KDM1A: variants seen among roughly 807,000 people sequenced by gnomAD.
KDM1A encodes the protein lysine-specific histone demethylase 1A.
In KDM1A, 49 loss-of-function variants were observed where a neutral mutation model predicts 109.4. The observed-to-expected ratio is 0.45, with a 90% confidence interval of 0.36 to 0.57. The LOEUF (loss-of-function observed/expected upper bound fraction) is 0.57, where lower values mean the gene tolerates loss of function less well. Ranked by LOEUF, KDM1A falls within the 20% of genes least tolerant of loss-of-function variation. KDM1A has a pLI of 0.00. For missense variants in KDM1A, 668 were observed against 1,116.6 expected (o/e 0.60, Z 5.73); for synonymous variants, 380 against 415.4 (o/e 0.91, Z 1.04).
chr1:23,065,826 C>T (rs1643146485), intron 9 of KDM1A, among the ~76,000 whole-genome samples: 1 of 152,018 alleles, frequency 6.6e-6, no homozygotes, highest in Non-Finnish European at 1.5e-5. Flanking sequence ...ACTCCCCTGT[C>T]TTTTGTTAAC....
Position 23,050,425 on chromosome 1 carries a change from G to C in KDM1A, c.616G>C (p.Asp206His), listed in dbSNP as rs766818802. 6.2e-7 allele frequency: 1 copy of C among 1,613,542 alleles called. No homozygotes were observed. The highest frequency in any genetic ancestry group is 1.7e-5 in the Admixed American group (1 of 59,950). The change falls in exon 4 of 21, where the codon GAC becomes CAC. Residue 206 changes from aspartate (D) to histidine (H), a missense_variant. Physicochemically the swap from Asp to His is moderately conservative, Grantham distance 81. Transcript: ENST00000400181. ...AGCTTTCCAGAGCCGACTTCCTCAT[G>C]ACCGGATGACTTCTCAAGAAGCAGC... The part of the protein sequence containing the change: ...GAAFQSRLPH[D>H]RMTSQEAACF...
Position 23,081,473 on chromosome 1 carries a change from G to A in KDM1A, c.2198G>A (p.Gly733Glu), listed in dbSNP as rs1643619907. 1 of 1,614,022 alleles carries A rather than the reference G, an allele frequency of 6.2e-7. No individual in the cohort carries two copies. Among genetic ancestry groups the A allele is most frequent in the Admixed American group, 1.7e-5 (1 of 60,002 alleles). ...KAPILLALVA[G>E]EAAGIMENIS... ...CCAATACTGTTGGCACTAGTGGCAG[G>A]AGAAGCTGCTGGTATCATGGAAAAC... The change falls in exon 19 of 21, where the codon GGA becomes GAA. Residue 733 changes from glycine to glutamate, a missense_variant. Coordinates refer to ENST00000400181, the MANE Select transcript of KDM1A (RefSeq NM_001009999.3).
Position 23,079,439 on chromosome 1 carries a change from TAAG to T in KDM1A, c.2056-113_2056-111del, listed in dbSNP as rs1375562645. 14 of 816,008 alleles carry T rather than the reference TAAG, an allele frequency of 1.7e-5. No individual in the cohort carries two copies. Among genetic ancestry groups the T allele is most frequent in the Admixed American group, 1.6e-4 (6 of 37,564 alleles). The allele number at this position is 816,008 out of a possible 1,614,324, so 50.5% of individuals were successfully genotyped here. A position where few individuals can be genotyped will look rare whatever the true frequency, so the allele number is the denominator to read the frequency against. On this transcript the variant is annotated intron_variant, in intron 17 of 20. Coordinates refer to ENST00000400181, the MANE Select transcript of KDM1A (RefSeq NM_001009999.3). This position sits in a 1 kb window ranked among gnomAD's most constrained non-coding sequence, Gnocchi z 5.6. ...GGATCGTAAATGTCATCCTAAATAA[TAAG>T]GATTGCTGGGCTTATTTTGAAAGCA...
At chr1:23,041,435 C>CTTTTTTTTTTTG (rs1642328895) in intron 2 of KDM1A, among the ~76,000 whole-genome samples, 1 of 53,006 alleles carries the variant, frequency 1.9e-5, no homozygotes, top group Non-Finnish European at 3.2e-5. Flanking sequence ...TCTTTTCTTG[C>CTTTTTTTTTTTG]TTTTTTTTTT....
chr1:23,036,545 A>G (rs1017598618), intron 2 of KDM1A, among the ~76,000 whole-genome samples: 14 of 135,330 alleles, frequency 1.0e-4, no homozygotes, highest in Admixed American at 1.7e-4. Flanking sequence ...TGGAGGGCTG[A>G]GGGAAGAAAG....
intron 9 of KDM1A, among the ~76,000 whole-genome samples, chr1:23,065,687 A>G (rs977951658): frequency 1.3e-5 from 2 of 152,114 alleles, no homozygotes; most frequent in Non-Finnish European, 2.9e-5. Context: ...TGTGGCAGCA[A>G]TCTTTTGGTT....
At chr1:23,049,306 G>T (rs2124447983) in intron 3 of KDM1A, among the ~76,000 whole-genome samples, 1 of 152,030 alleles carries the variant, frequency 6.6e-6, no homozygotes, top group South Asian at 2.1e-4. Flanking sequence ...TCTATAAGGT[G>T]ATTTTAGAAA....
intron 14 of KDM1A, among the ~76,000 whole-genome samples, chr1:23,072,941 G>C (rs915594477): frequency 6.6e-6 from 1 of 152,126 alleles, no homozygotes; most frequent in South Asian, 2.1e-4. Flanking sequence ...CATCCAGCCT[G>C]CCCATCCTTT....
intron 5 of KDM1A, among the ~76,000 whole-genome samples, chr1:23,054,835 A>G (rs1463340519): frequency 6.6e-6 from 1 of 151,984 alleles, no homozygotes; most frequent in African/African-American, 2.4e-5. Flanking sequence ...TGTGTTTCCC[A>G]GGCTGGTCTT....
intron 14 of KDM1A, 113 bp downstream of exon 14, chr1:23,072,310 T>C: frequency 1.3e-6 from 1 of 742,554 alleles, no homozygotes; most frequent in South Asian, 1.7e-5. Flanking sequence ...CAGTGAGTGG[T>C]TTAAATTGTT....
intron 2 of KDM1A, among the ~76,000 whole-genome samples, chr1:23,033,548 CAAAAA>C (rs1032179173): frequency 6.6e-6 from 1 of 152,018 alleles, no homozygotes; most frequent in Non-Finnish European, 1.5e-5. Flanking sequence ...CAAAACAAAA[CAAAAA>C]AGTAAGGTTT....
At chr1:23,034,477 C>CTGTTT (rs1642082479) in intron 2 of KDM1A, among the ~76,000 whole-genome samples, 1 of 152,198 alleles carries the variant, frequency 6.6e-6, no homozygotes, top group Non-Finnish European at 1.5e-5. Context: ...AAGTACCCTT[C>CTGTTT]TGTTTATTGG....
intron 9 of KDM1A, among the ~76,000 whole-genome samples, chr1:23,065,711 T>C (rs1421422714): frequency 1.3e-5 from 2 of 152,182 alleles, no homozygotes; most frequent in Non-Finnish European, 2.9e-5. Flanking sequence ...TTTTTGTTTG[T>C]TTGATTTTGT....
At chr1:23,020,813 A>G (rs927206822) in intron 1 of KDM1A, among the ~76,000 whole-genome samples, 1 of 152,214 alleles carries the variant, frequency 6.6e-6, no homozygotes, top group Non-Finnish European at 1.5e-5. Context: ...TAAGTGATGG[A>G]AGTGGAATGT....
chr1:23,041,435 C>CTT lies in KDM1A; in HGVS notation c.518-2969_518-2968dup, dbSNP rs66720696. On this transcript the variant is annotated intron_variant, in intron 2 of 20. Coordinates refer to ENST00000400181, the MANE Select transcript of KDM1A (RefSeq NM_001009999.3). ...TAATACTTTTGAGTTTCTTTTCTTGCTTTTTTTTTTTTTTTTTTTTTTTTG... is the reference window on the plus strand; with the variant it reads ...TAATACTTTTGAGTTTCTTTTCTTGCTTTTTTTTTTTTTTTTTTTTTTTTTTG... Among the ~76,000 whole-genome samples, 283 of 53,004 alleles carry CTT rather than the reference C, an allele frequency of 5.3e-3. 1 individual carries two copies. Among genetic ancestry groups the CTT allele is most frequent in the Admixed American group, 8.5e-3 (25 of 2,948 alleles). 34.8% of individuals were successfully genotyped at this position (53,004 alleles called of 152,430 possible). A position where few individuals can be genotyped will look rare whatever the true frequency, so the allele number is the denominator to read the frequency against.
At position 23,050,578 on chromosome 1, in the gene KDM1A, A is replaced by G. The variant is rs1032058628; in HGVS notation, c.711+58A>G. 2.2e-6 allele frequency: 3 copies of G among 1,361,600 alleles called. No individual in the cohort carries two copies. In the Admixed American group the frequency reaches 7.4e-5, roughly 34 times the overall value. 84.3% of individuals were successfully genotyped at this position (1,361,600 alleles called of 1,614,324 possible). On this transcript the variant is annotated intron_variant, in intron 4 of 20. Coordinates refer to ENST00000400181, the MANE Select transcript of KDM1A (RefSeq NM_001009999.3). ...TATAAAAAGTATATATGGCTTTGAT[A>G]GAGAATATGGGAAAAATAAAAAGAG...
chr1:23,055,960 A>G lies in KDM1A; in HGVS notation c.912A>G (p.Ile304Met). The change falls in exon 7 of 21, where the codon ATA becomes ATG. Residue 304 changes from isoleucine to methionine, a missense_variant. This residue lies in a region of KDM1A where 53 missense variants were observed against 122.5 expected (regional missense o/e 0.43). Coordinates refer to ENST00000400181, the MANE Select transcript of KDM1A (RefSeq NM_001009999.3). Reference sequence around the variant, plus strand: ...AAAAGACAGGAAAGGTAATTATTATAGGCTCTGGGGTCTCAGGCTTGGCAG... The same window carrying G: ...AAAAGACAGGAAAGGTAATTATTATGGGCTCTGGGGTCTCAGGCTTGGCAG... ...PTKKTGKVIIIGSGVSGLAAA... is the reference protein window; with the variant it reads ...PTKKTGKVIIMGSGVSGLAAA... 1 of 1,612,106 alleles carries G rather than the reference A, an allele frequency of 6.2e-7. No individual in the cohort carries two copies. The highest frequency in any genetic ancestry group is 1.1e-5 in the South Asian group (1 of 90,868).
Position 23,019,842 on chromosome 1 carries a change from G to C in KDM1A, c.246G>C (p.Gly82=), listed in dbSNP as rs1233638644. 2.7e-6 allele frequency: 4 copies of C among 1,477,304 alleles called. No individual in the cohort carries two copies. Among genetic ancestry groups the C allele is most frequent in the Non-Finnish European group, 2.7e-6 (3 of 1,117,178 alleles). 91.5% of individuals were successfully genotyped at this position (1,477,304 alleles called of 1,614,324 possible). ...TGGCGGAACCGCCGGGGTCCGCAGG[G>C]CCTCAGGCCGGCCCTACTGTCGTGC... is the stretch of plus-strand genomic sequence containing the variant. ...GGLAEPPGSA[G]PQAGPTVVPG... is the part of the protein sequence containing the mutation. The change falls in exon 1 of 21, where the codon GGG becomes GGC. Residue 82 remains glycine (G), a synonymous_variant. Coordinates refer to ENST00000400181, the MANE Select transcript of KDM1A (RefSeq NM_001009999.3).
chr1:23,030,550 G>A lies in KDM1A; in HGVS notation c.433G>A (p.Ala145Thr). 1 of 1,612,502 alleles carries A rather than the reference G, an allele frequency of 6.2e-7. No individual in the cohort carries two copies. The change falls in exon 2 of 21, where the codon GCA becomes ACA. Residue 145 changes from alanine to threonine, a missense_variant. Ala to Thr is a moderately conservative substitution (Grantham distance 58). Coordinates refer to ENST00000400181, the MANE Select transcript of KDM1A (RefSeq NM_001009999.3). ...YYSEEERNAK[A>T]EKEKKLPPPP... is the part of the protein sequence containing the mutation. Reference sequence around the variant, plus strand: ...TTCAGAAGAAGAGAGAAATGCCAAAGCAGAGAAGGAAAAGAAGCTTCCCCC... The same window carrying A: ...TTCAGAAGAAGAGAGAAATGCCAAAACAGAGAAGGAAAAGAAGCTTCCCCC...
Sources: allele counts gnomAD v4.1 joint callset (sites outside exome capture counted in the v4.1 genomes callset), GRCh38; gene constraint gnomAD v4.1.1; regional missense constraint gnomAD v4.1.1; non-coding constraint Gnocchi (gnomAD v3.1); transcripts MANE v1.5; gene names NCBI Gene and HGNC (gene_info 2026-07-23, HGNC 2026-07-21).